MYO6: variants seen among roughly 807,000 people sequenced by gnomAD.
MYO6 encodes myosin VI.
MYO6 carries 74 observed loss-of-function variants against 178.7 expected under a neutral mutation model. The observed-to-expected ratio is 0.41, with a 90% CI of 0.34 to 0.50. The LOEUF is 0.50. Among genes scored for constraint, MYO6 ranks in the 20% least tolerant of loss-of-function variants. MYO6 has a pLI of 0.09. For synonymous variants in MYO6, 477 were observed against 504.6 expected, an observed-to-expected ratio of 0.95 and a Z score of 0.73; for missense variants, 1,330 against 1,547.4, an observed-to-expected ratio of 0.86 and a Z score of 2.36.
intron 14 of MYO6, 21 bp from the exon 15 acceptor site, chr6:75,860,996 CTATGAT>C: frequency 6.8e-7 from 1 of 1,473,670 alleles, no homozygotes; most frequent in Non-Finnish European, 9.5e-7. Flanking sequence ...ATTGCTGTAT[CTATGAT>C]TATGATTATT....
intron 13 of MYO6, among the ~76,000 whole-genome samples, chr6:75,858,328 G>A (rs150167028): frequency 1.9e-3 from 289 of 152,226 alleles, no homozygotes; most frequent in African/African-American, 6.1e-3. Flanking sequence ...ATTGTTGGCC[G>A]GGTGCGGTGG....
chr6:75,902,362 T>G (rs1779867780), intron 30 of MYO6, among the ~76,000 whole-genome samples: 1 of 152,198 alleles, frequency 6.6e-6, no homozygotes. Flanking sequence ...TCCTGAACTC[T>G]TTTTGGTTGG....
intron 1 of MYO6, among the ~76,000 whole-genome samples, chr6:75,754,397 G>A (rs1777157041): frequency 6.6e-6 from 1 of 151,858 alleles, no homozygotes; most frequent in Non-Finnish European, 1.5e-5. Flanking sequence ...GTGGGTGCCT[G>A]TAATCCCAGC....
chr6:75,841,322 G>C lies in MYO6; in HGVS notation c.760G>C (p.Gly254Arg), dbSNP rs757719710. ...TCATATCTTTTATAGGTTGTGTGCT[G>C]GTGCTTCTGAAGATATTAGAGAAAA... ...NYHIFYRLCA[G>R]ASEDIREKLH... is the part of the protein sequence containing the mutation. Residue 254 changes from glycine to arginine, a missense_variant, in exon 9 of 35, where the codon GGT (glycine) becomes CGT (arginine). Around this residue, in one of 3 missense-constraint regions of MYO6, gnomAD observed 613 missense variants for 816.8 expected, o/e 0.75. Coordinates refer to ENST00000369977, the MANE Select transcript of MYO6 (RefSeq NM_004999.4). The C allele has an allele frequency of 1.9e-6, 3 of 1,613,936 alleles. No individual in the cohort carries two copies. The South Asian group carries it at 3.3e-5, about 18-fold the overall frequency.
chr6:75,896,121 A>G (rs1779282923), intron 29 of MYO6, among the ~76,000 whole-genome samples: 1 of 152,114 alleles, frequency 6.6e-6, no homozygotes, highest in Non-Finnish European at 1.5e-5. Context: ...ATTTTGGAAT[A>G]TATATAAAAT....
intron 1 of MYO6, among the ~76,000 whole-genome samples, chr6:75,786,160 A>G (rs914395543): frequency 3.3e-5 from 5 of 151,994 alleles, no homozygotes; most frequent in African/African-American, 1.2e-4. Context: ...CTCCTGACTT[A>G]GGTGATCTGC....
chr6:75,875,693 C>G (rs1437814114), intron 20 of MYO6, among the ~76,000 whole-genome samples: 1 of 152,226 alleles, frequency 6.6e-6, no homozygotes, highest in African/African-American at 2.4e-5. Flanking sequence ...GATGTGTATT[C>G]CCTTAGGTAG....
At chr6:75,775,316 G>A (rs972119122) in intron 1 of MYO6, among the ~76,000 whole-genome samples, 1 of 152,222 alleles carries the variant, frequency 6.6e-6, no homozygotes, top group Non-Finnish European at 1.5e-5. Context: ...AGCAGGCACA[G>A]AAGAAATTGT....
chr6:75,867,260 T>TG (rs1178703602), intron 18 of MYO6, among the ~76,000 whole-genome samples, 155 bp downstream of exon 18: 1 of 152,226 alleles, frequency 6.6e-6, no homozygotes, highest in Non-Finnish European at 1.5e-5. Context: ...AATATCATAA[T>TG]GTAGGCCTAG....
At chr6:75,863,359 A>G (rs1445217016) in intron 16 of MYO6, among the ~76,000 whole-genome samples, 1 of 152,194 alleles carries the variant, frequency 6.6e-6, no homozygotes, top group Non-Finnish European at 1.5e-5. Context: ...TGGAAAATAC[A>G]CTCAGAGAGG....
intron 16 of MYO6, 87 bp from the exon 17 acceptor site, chr6:75,866,439 G>A (rs1018495753): frequency 9.6e-7 from 1 of 1,042,998 alleles, no homozygotes; most frequent in Non-Finnish European, 1.5e-6. Flanking sequence ...ATAATTTTAA[G>A]TGTTTTACAT....
chr6:75,763,717 A>T (rs925681079), intron 1 of MYO6, among the ~76,000 whole-genome samples: 2 of 152,348 alleles, frequency 1.3e-5, no homozygotes, highest in South Asian at 4.1e-4. Context: ...TTGTTATAAA[A>T]TTCATTAGGT....
At chr6:75,763,746 T>C (rs929492742) in intron 1 of MYO6, among the ~76,000 whole-genome samples, 3 of 152,190 alleles carry the variant, frequency 2.0e-5, no homozygotes, top group Non-Finnish European at 4.4e-5. Context: ...GAGTTCTACT[T>C]AAGTGCCAAA....
chr6:75,863,779 C>T (rs747471838), intron 16 of MYO6, among the ~76,000 whole-genome samples: 5 of 151,938 alleles, frequency 3.3e-5, no homozygotes, highest in East Asian at 1.9e-4. Flanking sequence ...CCACCGTGCC[C>T]GGCTCAGAAG....
chr6:75,817,553 G>C lies in MYO6; in HGVS notation c.6G>C (p.Glu2Asp), dbSNP rs1300318294. The change falls in exon 2 of 35, where the codon GAG (glutamate) becomes GAC (aspartate). Residue 2 changes from glutamate to aspartate, a missense_variant. By Grantham distance (45) the Glu-to-Asp change is conservative. Around this residue, in one of 3 missense-constraint regions of MYO6, gnomAD observed 116 missense variants for 104.6 expected, o/e 1.11. Coordinates refer to ENST00000369977, the MANE Select transcript of MYO6 (RefSeq NM_004999.4). ...TCGTGGATCCTCCTTCAAAAATGGA[G>C]GATGGAAAGCCCGTTTGGGCGCCAC... M[E>D]DGKPVWAPHP... 2 of 1,614,074 alleles carry C rather than the reference G, an allele frequency of 1.2e-6. No homozygotes were observed. The highest frequency in any genetic ancestry group is 1.1e-5 in the South Asian group (1 of 91,082).
At chr6:75,826,859 G>A (rs1416443530) in intron 3 of MYO6, among the ~76,000 whole-genome samples, 15 of 152,068 alleles carry the variant, frequency 9.9e-5, no homozygotes, top group Admixed American at 7.2e-4. Context: ...GTTACAGTGA[G>A]CTGAGATCGT....
chr6:75,890,280 T>C lies in MYO6; in HGVS notation c.2867+15T>C. On this transcript the variant is annotated intron_variant, in intron 26 of 34. Coordinates refer to ENST00000369977, the MANE Select transcript of MYO6 (RefSeq NM_004999.4). ...GAAAGGCGGATGTGAGGCATTTATA[T>C]TATTTTGAATAAGAGACTTAAAGAA... is the stretch of plus-strand genomic sequence containing the variant. 6.2e-7 allele frequency: 1 copy of C among 1,613,438 alleles called. No individual in the cohort carries two copies.
At chr6:75,756,738 G>T (rs1562112525) in intron 1 of MYO6, among the ~76,000 whole-genome samples, 1 of 151,990 alleles carries the variant, frequency 6.6e-6, no homozygotes, top group African/African-American at 2.4e-5. Context: ...CAGTGGTGCT[G>T]GTGTTATGAC....
At chr6:75,867,143 A>G in intron 18 of MYO6, 38 bp downstream of exon 18, 1 of 1,457,614 alleles carries the variant, frequency 6.9e-7, no homozygotes, top group Non-Finnish European at 9.3e-7. Context: ...ACTATATTTA[A>G]AATGAAATTA....
Sources: gnomAD v4.1 joint callset for allele counts (sites outside exome capture counted in the v4.1 genomes callset) on GRCh38, gnomAD v4.1.1 for gene constraint, gnomAD v4.1.1 regional missense constraint, MANE v1.5 for transcripts, NCBI Gene and HGNC (gene_info 2026-07-23, HGNC 2026-07-21) for gene names.